Variants in EYS observed in about 807,000 individuals in gnomAD.
The protein encoded by EYS is EGF-like photoreceptor maintenance factor.
In EYS, 250 loss-of-function variants were observed where a neutral mutation model predicts 282.1. The ratio of observed to expected loss-of-function variants is 0.89; its 90% confidence interval spans 0.80 to 0.98. The LOEUF is 0.98. Among genes scored for constraint, EYS ranks in the 50% least tolerant of loss-of-function variants. The probability of loss-of-function intolerance (pLI) is 0.00; values close to 1 mark genes in which losing one functional copy is unlikely to be tolerated. For synonymous variants in EYS, 1,355 were observed against 1,282.9 expected (o/e 1.06, Z -1.20); for missense variants, 4,016 against 3,709.0 (o/e 1.08, Z -2.15).
intron 30 of EYS, among the ~76,000 whole-genome samples, chr6:64,304,950 A>G (rs1769381849): frequency 1.3e-5 from 2 of 152,184 alleles, no homozygotes; most frequent in South Asian, 4.1e-4. Context: ...AGTTAACTAA[A>G]ACTTAATAAG....
chr6:64,556,927 AAG>A (rs1399666247), intron 26 of EYS, among the ~76,000 whole-genome samples: 1 of 151,976 alleles, frequency 6.6e-6, no homozygotes, highest in Non-Finnish European at 1.5e-5. Context: ...ACTGTTAACA[AAG>A]AGAGGTAATA....
intron 14 of EYS, among the ~76,000 whole-genome samples, chr6:64,954,230 T>C (rs981065518): frequency 6.6e-6 from 1 of 151,956 alleles, no homozygotes; most frequent in Non-Finnish European, 1.5e-5. Context: ...TCATAAACCA[T>C]TTGTGATCCT....
At chr6:64,184,331 T>A (rs1764870021) in intron 31 of EYS, among the ~76,000 whole-genome samples, 1 of 152,188 alleles carries the variant, frequency 6.6e-6, no homozygotes, top group Admixed American at 6.6e-5. Context: ...TCAAAAAAGC[T>A]ACCTAACCAT....
At chr6:65,089,282 A>G (rs1774480613) in intron 12 of EYS, among the ~76,000 whole-genome samples, 1 of 152,128 alleles carries the variant, frequency 6.6e-6, no homozygotes, top group South Asian at 2.1e-4. Context: ...ACTCAACATC[A>G]GCCTATGAAA....
intron 26 of EYS, among the ~76,000 whole-genome samples, chr6:64,552,630 T>C (rs1015492818): frequency 1.3e-5 from 2 of 152,074 alleles, no homozygotes; most frequent in Non-Finnish European, 2.9e-5. Flanking sequence ...AATCTTTGAA[T>C]TTGGCCTGGC....
intron 35 of EYS, among the ~76,000 whole-genome samples, chr6:63,919,877 G>C (rs2149742905): frequency 6.6e-6 from 1 of 152,348 alleles, no homozygotes; most frequent in Non-Finnish European, 1.5e-5. Flanking sequence ...CAGTCCGACT[G>C]CCACATTCCC....
At chr6:63,969,903 T>C (rs1394740614) in intron 35 of EYS, among the ~76,000 whole-genome samples, 1 of 152,216 alleles carries the variant, frequency 6.6e-6, no homozygotes, top group Non-Finnish European at 1.5e-5. Context: ...ATTCATTTTC[T>C]CAGTCATGAG....
At chr6:65,679,272 A>T (rs1361822241) in intron 1 of EYS, among the ~76,000 whole-genome samples, 8 of 151,918 alleles carry the variant, frequency 5.3e-5, no homozygotes, top group Admixed American at 5.3e-4. Flanking sequence ...TGACAGATGA[A>T]TGTTTAAAAA....
intron 14 of EYS, among the ~76,000 whole-genome samples, chr6:64,977,513 G>T (rs1165582660): frequency 1.3e-5 from 2 of 151,728 alleles, no homozygotes; most frequent in East Asian, 3.9e-4. Flanking sequence ...ACCCTACAAT[G>T]ACCTCTAAGT....
At chr6:64,521,940 C>T (rs1338863528) in intron 26 of EYS, among the ~76,000 whole-genome samples, 1 of 151,716 alleles carries the variant, frequency 6.6e-6, no homozygotes, top group Non-Finnish European at 1.5e-5. Context: ...ATCATTCACA[C>T]TTATTTGCAA....
At chr6:63,810,548 C>T (rs1771022442) in intron 36 of EYS, among the ~76,000 whole-genome samples, 1 of 152,180 alleles carries the variant, frequency 6.6e-6, no homozygotes, top group Admixed American at 6.5e-5. Context: ...CTGGCCAGCT[C>T]AGGCTTGATT....
chr6:64,605,275 C>T (rs555117875), intron 24 of EYS, among the ~76,000 whole-genome samples: 33 of 151,918 alleles, frequency 2.2e-4, no homozygotes, highest in African/African-American at 7.2e-4. Flanking sequence ...CCTTCTTATA[C>T]ACTAACTACA....
chr6:64,282,951 T>G (rs1046393158), intron 30 of EYS, among the ~76,000 whole-genome samples: 6 of 152,200 alleles, frequency 3.9e-5, no homozygotes, highest in African/African-American at 2.4e-5. Context: ...AACATATATA[T>G]TACATCATGT....
chr6:65,192,075 C>A (rs778076356), intron 12 of EYS, among the ~76,000 whole-genome samples: 3 of 151,578 alleles, frequency 2.0e-5, no homozygotes, highest in Non-Finnish European at 4.4e-5. Flanking sequence ...ATATATTCAA[C>A]TGGCCATGAT....
intron 22 of EYS, among the ~76,000 whole-genome samples, chr6:64,772,617 A>G (rs796209211): frequency 7.2e-5 from 11 of 151,850 alleles, no homozygotes; most frequent in African/African-American, 2.7e-4. Context: ...TTATCTAACT[A>G]TATTTTTGTA....
chr6:64,942,977 C>T (rs543593306), intron 15 of EYS, among the ~76,000 whole-genome samples: 2 of 152,044 alleles, frequency 1.3e-5, no homozygotes, highest in East Asian at 3.9e-4. Flanking sequence ...CAACAAAATA[C>T]TAGGAAGCCT....
chr6:65,050,642 G>C (rs1310494758), intron 13 of EYS, among the ~76,000 whole-genome samples: 1 of 151,550 alleles, frequency 6.6e-6, no homozygotes, highest in African/African-American at 2.4e-5. Flanking sequence ...AGAATCTTTA[G>C]TATAGCTGTA....
At chr6:64,058,591 C>T (rs1465680008) in intron 33 of EYS, among the ~76,000 whole-genome samples, 1 of 152,150 alleles carries the variant, frequency 6.6e-6, no homozygotes, top group Non-Finnish European at 1.5e-5. Flanking sequence ...TCCCCTGAAT[C>T]TTACTTTTCA....
At chr6:65,437,767 G>A (rs550626645) in intron 5 of EYS, among the ~76,000 whole-genome samples, 31 of 152,130 alleles carry the variant, frequency 2.0e-4, no homozygotes, top group Admixed American at 3.9e-4. Context: ...TTATGCAAAC[G>A]TTTGATAAAA....
Sources: gnomAD v4.1 joint callset for allele counts (sites outside exome capture counted in the v4.1 genomes callset) on GRCh38, gnomAD v4.1.1 for gene constraint, MANE v1.5 for transcripts, NCBI Gene and HGNC (gene_info 2026-07-23, HGNC 2026-07-21) for gene names.